The following PLGRKT variants were observed in gnomAD, a reference collection of about 807,000 sequenced individuals.
The protein encoded by PLGRKT is plasminogen receptor (KT).
A neutral mutation model predicts 18.5 loss-of-function variants in PLGRKT; 22 were observed. The observed-to-expected ratio is 1.19, with a 90% CI of 0.85 to 1.70. PLGRKT has a LOEUF of 1.70. Ranked by LOEUF, PLGRKT falls within the 40% of genes most tolerant of loss-of-function variation. The pLI, the probability that PLGRKT is intolerant of heterozygous loss-of-function variation, is 0.00. For missense variants in PLGRKT, 235 were observed against 174.4 expected (o/e 1.35, Z -1.96); for synonymous variants, 72 against 52.8 (o/e 1.36, Z -1.58).
At chr9:5,371,286 A>G (rs1817509755) in intron 3 of PLGRKT, among the ~76,000 whole-genome samples, 1 of 152,198 alleles carries the variant, frequency 6.6e-6, no homozygotes, top group African/African-American at 2.4e-5. Context: ...GAAAGAAACA[A>G]CAAAAGACCA....
chr9:5,419,404 C>T (rs904506933), intron 3 of PLGRKT, among the ~76,000 whole-genome samples: 23 of 152,354 alleles, frequency 1.5e-4, no homozygotes, highest in African/African-American at 4.3e-4. Flanking sequence ...CTTTCTTCAG[C>T]GGACCTTTCT....
At position 5,403,198 on chromosome 9, in the gene PLGRKT, T is replaced by C. The variant is rs576479702; in HGVS notation, c.81+28699A>G. Reference sequence around the variant, plus strand: ...CTTTGTTATACAGCGAGTTGAGAGGTTGAGGTTGCTAAATGATTCTTTTTT... The same window carrying C: ...CTTTGTTATACAGCGAGTTGAGAGGCTGAGGTTGCTAAATGATTCTTTTTT... On this transcript the variant is annotated intron_variant, in intron 3 of 5. Transcript: ENST00000223864. 3.3e-5 allele frequency among the ~76,000 whole-genome samples: 5 copies of C among 151,584 alleles called. No individual in the cohort carries two copies. The East Asian group carries it at 5.8e-4, about 18-fold the overall frequency.
At chr9:5,431,395 G>C (rs1028141600) in intron 3 of PLGRKT, among the ~76,000 whole-genome samples, 2 of 151,976 alleles carry the variant, frequency 1.3e-5, no homozygotes, top group Non-Finnish European at 2.9e-5. Context: ...TTAGCCGGGA[G>C]TGGTGGTGCA....
In PLGRKT at chr9:5,380,131, G is replaced by A. The variant is rs555262291; in HGVS notation, c.82-18243C>T. ...TGTAATCCCCGCACTTTGGGAGGCC[G>A]AGGCAGGCAGATCACGAGGTCAGGA... On this transcript the variant is annotated intron_variant, in intron 3 of 5. Transcript: ENST00000223864. Among the ~76,000 whole-genome samples, 10 of 152,224 alleles carry A rather than the reference G, an allele frequency of 6.6e-5. No individual in the cohort carries two copies. In the South Asian group the frequency reaches 1.0e-3, roughly 16 times the overall value.
chr9:5,436,922 T>C (rs1354162003), intron 1 of PLGRKT, among the ~76,000 whole-genome samples: 2 of 152,238 alleles, frequency 1.3e-5, no homozygotes, highest in African/African-American at 4.8e-5. Flanking sequence ...TTGATTTCAC[T>C]CACTTGTATA....
At chr9:5,378,340 A>G (rs1212621029) in intron 3 of PLGRKT, among the ~76,000 whole-genome samples, 2 of 152,300 alleles carry the variant, frequency 1.3e-5, no homozygotes, top group Admixed American at 1.3e-4. Flanking sequence ...CATGCCCCTC[A>G]TGTGCCAGCA....
intron 3 of PLGRKT, among the ~76,000 whole-genome samples, chr9:5,368,534 G>T (rs573881723): frequency 1.3e-5 from 2 of 152,222 alleles, no homozygotes; most frequent in East Asian, 1.9e-4. Context: ...TAAGCACTGG[G>T]TAACTATAGA....
intron 3 of PLGRKT, among the ~76,000 whole-genome samples, chr9:5,365,020 C>T (rs1374867853): frequency 6.6e-6 from 1 of 152,168 alleles, no homozygotes; most frequent in African/African-American, 2.4e-5. Context: ...TACATTTTCT[C>T]AGCTCTGTCC....
At chr9:5,383,958 G>T (rs1270851236) in intron 3 of PLGRKT, among the ~76,000 whole-genome samples, 1 of 152,202 alleles carries the variant, frequency 6.6e-6, no homozygotes, top group Non-Finnish European at 1.5e-5. Context: ...AGCTTCAGAT[G>T]TGCTGAATTT....
chr9:5,422,540 T>A (rs921869503), intron 3 of PLGRKT, among the ~76,000 whole-genome samples: 5 of 152,272 alleles, frequency 3.3e-5, no homozygotes, highest in Non-Finnish European at 7.4e-5. Flanking sequence ...TCTCACAAAC[T>A]GAGAAAGACT....
At chr9:5,427,241 G>C (rs887174087) in intron 3 of PLGRKT, among the ~76,000 whole-genome samples, 2 of 152,144 alleles carry the variant, frequency 1.3e-5, no homozygotes, top group African/African-American at 4.8e-5. Context: ...TTACCTAATA[G>C]CCATCACAGT....
chr9:5,389,319 G>A (rs936395577), intron 3 of PLGRKT, among the ~76,000 whole-genome samples: 1 of 151,910 alleles, frequency 6.6e-6, no homozygotes, highest in Non-Finnish European at 1.5e-5. Flanking sequence ...TGCCTGGCAT[G>A]ATTACAGAAT....
At chr9:5,434,519 G>T (rs992434775) in intron 2 of PLGRKT, among the ~76,000 whole-genome samples, 47 of 147,218 alleles carry the variant, frequency 3.2e-4, no homozygotes, top group Non-Finnish European at 6.1e-4. Context: ...ACCTCTGCCC[G>T]GCTGCTCTTT....
At chr9:5,432,458 T>C (rs1054528897) in intron 2 of PLGRKT, among the ~76,000 whole-genome samples, 4 of 152,232 alleles carry the variant, frequency 2.6e-5, no homozygotes, top group South Asian at 2.1e-4. Context: ...TTTGTGCTCT[T>C]TGCATTTGCG....
At chr9:5,385,778 T>A (rs1224037965) in intron 3 of PLGRKT, among the ~76,000 whole-genome samples, 3 of 151,872 alleles carry the variant, frequency 2.0e-5, no homozygotes, top group Non-Finnish European at 4.4e-5. Flanking sequence ...CATCTCTGTA[T>A]GCCTTTCGAG....
chr9:5,383,012 A>T (rs1423546669), intron 3 of PLGRKT, among the ~76,000 whole-genome samples: 1 of 152,148 alleles, frequency 6.6e-6, no homozygotes, highest in African/African-American at 2.4e-5. Context: ...TCTTTGGGGG[A>T]TATAATTAAG....
chr9:5,379,727 A>C (rs1817700523), intron 3 of PLGRKT, among the ~76,000 whole-genome samples: 1 of 152,162 alleles, frequency 6.6e-6, no homozygotes, highest in South Asian at 2.1e-4. Flanking sequence ...AACAACAAAC[A>C]TCTCATTTTT....
At chr9:5,424,668 T>TTTTATATATATATGTATATATATATATA (rs1554634176) in intron 3 of PLGRKT, among the ~76,000 whole-genome samples, 10 of 113,160 alleles carry the variant, frequency 8.8e-5, no homozygotes, top group African/African-American at 4.1e-4. Context: ...ATTATATATT[T>TTTTATATATATATGTATATATATATATA]TATATATATA....
chr9:5,374,690 C>T (rs2131081895), intron 3 of PLGRKT, among the ~76,000 whole-genome samples: 1 of 152,184 alleles, frequency 6.6e-6, no homozygotes, highest in Admixed American at 6.5e-5. Flanking sequence ...TAATTTTAGG[C>T]AAGTCTTTAA....
Sources: gnomAD v4.1 joint callset for allele counts (sites outside exome capture counted in the v4.1 genomes callset) on GRCh38, gnomAD v4.1.1 for gene constraint, MANE v1.5 for transcripts, NCBI Gene and HGNC (gene_info 2026-07-23, HGNC 2026-07-21) for gene names.